SEC24A: variants seen among roughly 807,000 people sequenced by gnomAD.
SEC24A encodes the protein protein transport protein Sec24A.
Under a neutral mutation model 129.4 loss-of-function variants are expected in SEC24A, and 93 were observed. That is an observed-to-expected ratio of 0.72 (90% CI 0.61 to 0.85). The LOEUF (loss-of-function observed/expected upper bound fraction) is 0.85, where lower values mean the gene tolerates loss of function less well. Among genes scored for constraint, SEC24A ranks in the 40% least tolerant of loss-of-function variants. SEC24A has a pLI of 0.00. For missense variants in SEC24A, 1,264 were observed against 1,307.4 expected (o/e 0.97, Z 0.51); for synonymous variants, 460 against 467.3 (o/e 0.98, Z 0.20).
chr5:134,718,058 T>G lies in SEC24A; in HGVS notation c.2866-11T>G, dbSNP rs746294444. The G allele has an allele frequency of 1.2e-6, 2 of 1,604,070 alleles. No homozygotes were observed. The highest frequency in any genetic ancestry group is 1.7e-6 in the Non-Finnish European group (2 of 1,170,902). On this transcript the variant is annotated splice_polypyrimidine_tract_variant and intron_variant, in intron 19 of 22. Coordinates refer to ENST00000398844, the MANE Select transcript of SEC24A (RefSeq NM_021982.3). ...TATTTAAAACCTTTACTCTTTTACT[T>G]AATTCCTCAGGGAGCACTCAACATC...
chr5:134,649,410 T>A, intron 1 of SEC24A: 1 of 406,916 alleles, frequency 2.5e-6, no homozygotes, highest in Non-Finnish European at 4.4e-6. Context: ...GCACCTGCTG[T>A]ATGCAACGCC....
intron 15 of SEC24A, among the ~76,000 whole-genome samples, chr5:134,700,223 CTTTTTTCTT>C (rs1396276762): frequency 6.6e-6 from 1 of 151,694 alleles, no homozygotes; most frequent in Admixed American, 6.6e-5. Flanking sequence ...TCTTCTCTCT[CTTTTTTCTT>C]TTTTTGGAGA....
intron 10 of SEC24A, among the ~76,000 whole-genome samples, 199 bp from the exon 11 acceptor site, chr5:134,687,982 G>T (rs528255074): frequency 1.3e-5 from 2 of 152,038 alleles, no homozygotes; most frequent in South Asian, 2.1e-4. Context: ...TTTGTTTATT[G>T]TTTGGCTTAC....
chr5:134,667,068 T>C (rs1273740349), intron 3 of SEC24A, 72 bp downstream of exon 3: 2 of 1,270,806 alleles, frequency 1.6e-6, no homozygotes, highest in Non-Finnish European at 2.1e-6. Context: ...ATTAGCTGAA[T>C]TCTGTGCATT....
chr5:134,657,671 G>A (rs769882539), intron 1 of SEC24A, among the ~76,000 whole-genome samples: 1 of 152,056 alleles, frequency 6.6e-6, no homozygotes, highest in Non-Finnish European at 1.5e-5. Context: ...TGATCTCTTG[G>A]GTTCAAGTGA....
At chr5:134,652,567 T>G (rs1750096212) in intron 1 of SEC24A, among the ~76,000 whole-genome samples, 1 of 151,950 alleles carries the variant, frequency 6.6e-6, no homozygotes, top group Non-Finnish European at 1.5e-5. Context: ...ATTACAGGCG[T>G]GAGCCACTGT....
rs1248139670 is a variant in SEC24A at position 134,726,557 on chromosome 5, A to G, written c.*1463A>G. ...AGCAGTCCCTCTACAGTATACAACT[A>G]CTGCTTGCCAGCTGGATCAAAATAA... On this transcript the variant is annotated 3_prime_UTR_variant, in exon 23 of 23. Transcript: ENST00000398844. 1 of 152,560 alleles carries G rather than the reference A, an allele frequency of 6.6e-6. No individual in the cohort carries two copies. Among genetic ancestry groups the G allele is most frequent in the African/African-American group, 2.4e-5 (1 of 41,442 alleles). The allele number at this position is 152,560 out of a possible 1,614,324, so 9.5% of individuals were successfully genotyped here. A position where few individuals can be genotyped will look rare whatever the true frequency, so the allele number is the denominator to read the frequency against.
intron 7 of SEC24A, among the ~76,000 whole-genome samples, chr5:134,676,438 C>CTTT (rs34581398): frequency 0.014 from 1,211 of 84,006 alleles, 11 homozygotes; most frequent in Non-Finnish European, 0.02. Flanking sequence ...GCGCCCGGCT[C>CTTT]TTTTTTTTTT....
At chr5:134,723,740 T>C (rs531189483) in intron 22 of SEC24A, 70 bp downstream of exon 22, 7 of 833,078 alleles carry the variant, frequency 8.4e-6, no homozygotes, top group Admixed American at 6.8e-5. Flanking sequence ...GACAAGAGTA[T>C]AGCAAAAAAA....
chr5:134,686,273 C>T (rs1330022312), intron 9 of SEC24A, among the ~76,000 whole-genome samples: 2 of 150,002 alleles, frequency 1.3e-5, no homozygotes, highest in African/African-American at 4.9e-5. Flanking sequence ...CTCACTTTGT[C>T]GCCCAGGCTA....
chr5:134,685,329 G>A (rs1048206865), intron 9 of SEC24A, among the ~76,000 whole-genome samples: 2 of 151,422 alleles, frequency 1.3e-5, no homozygotes, highest in Non-Finnish European at 2.9e-5. Context: ...TTGCATCACT[G>A]CACTCCAGCC....
chr5:134,668,932 C>T (rs985805001), intron 3 of SEC24A, among the ~76,000 whole-genome samples: 59 of 149,730 alleles, frequency 3.9e-4, no homozygotes, highest in African/African-American at 1.3e-3. Context: ...ATTAGCTAGG[C>T]GTGGTGGCAT....
At chr5:134,668,648 C>T (rs1281993978) in intron 3 of SEC24A, among the ~76,000 whole-genome samples, 1 of 152,084 alleles carries the variant, frequency 6.6e-6, no homozygotes, top group African/African-American at 2.4e-5. Flanking sequence ...ATTGCTTGAA[C>T]CTGGGAGGCG....
Position 134,721,066 on chromosome 5 carries a change from CTA to C in SEC24A, c.3041_3042del (p.Tyr1014CysfsTer14). ...FLSQVLGVQN[Y>X]ASIPQPMTDL... is the part of the protein sequence containing the mutation. ...TCAGCCAAGTTCTAGGAGTTCAAAA[CTA>C]TGCATCAATTCCACAGCCTATGGTA... On this transcript the variant is annotated frameshift_variant, in exon 21 of 23. Transcript: ENST00000398844. LOFTEE classifies it high-confidence loss of function. 6.2e-7 allele frequency: 1 copy of C among 1,610,630 alleles called. No homozygotes were observed.
chr5:134,693,192 T>C (rs1580719208), intron 12 of SEC24A: 1 of 1,528,150 alleles, frequency 6.5e-7, no homozygotes, highest in East Asian at 2.5e-5. Flanking sequence ...AGCAAGTCTA[T>C]GGTCTCTGCT....
rs768659379 is a variant in SEC24A, at chr5:134,676,137, T to G, written c.1254+12T>G. 18 of 1,583,010 alleles carry G rather than the reference T, an allele frequency of 1.1e-5. No individual in the cohort carries two copies. The highest frequency in any genetic ancestry group is 1.5e-5 in the Non-Finnish European group (17 of 1,166,882). On this transcript the variant is annotated intron_variant, in intron 7 of 22. Transcript: ENST00000398844. ...TCAAAGACTTAGTGGTATGTTTCTT[T>G]TCTTTTCTTTTTTTTTTTTTGAGAC...
chr5:134,667,304 A>G (rs1580690235), intron 3 of SEC24A, among the ~76,000 whole-genome samples: 2 of 151,748 alleles, frequency 1.3e-5, no homozygotes, highest in African/African-American at 4.9e-5. Flanking sequence ...TTTTCTTGAC[A>G]TGATGTTAGA....
chr5:134,718,624 T>G (rs1752545001), intron 20 of SEC24A, among the ~76,000 whole-genome samples: 1 of 152,124 alleles, frequency 6.6e-6, no homozygotes, highest in Non-Finnish European at 1.5e-5. Context: ...TGGGCTAATG[T>G]GTGTTTGTGT....
At chr5:134,649,274 T>G in intron 1 of SEC24A, 101 bp downstream of exon 1, 2 of 823,712 alleles carry the variant, frequency 2.4e-6, no homozygotes, top group Non-Finnish European at 3.6e-6. Context: ...GTGACCTCCT[T>G]ACCGGGTTCT....
Sources: allele counts gnomAD v4.1 joint callset (sites outside exome capture counted in the v4.1 genomes callset), GRCh38; gene constraint gnomAD v4.1.1; transcripts MANE v1.5; gene names NCBI Gene and HGNC (gene_info 2026-07-23, HGNC 2026-07-21).